LDB2: variants seen among roughly 807,000 people sequenced by gnomAD.
LDB2 encodes the protein LIM domain binding 2.
Under a neutral mutation model 44.3 loss-of-function variants are expected in LDB2, and 12 were observed. The ratio of observed to expected loss-of-function variants is 0.27; its 90% confidence interval spans 0.17 to 0.44. The LOEUF is 0.44. Among genes scored for constraint, LDB2 ranks in the 20% least tolerant of loss-of-function variants. LDB2 has a pLI of 1.00. For synonymous variants in LDB2, 164 were observed against 174.8 expected (o/e 0.94, Z 0.49); for missense variants, 344 against 473.5 (o/e 0.73, Z 2.54).
At chr4:16,711,588 TGC>T (rs917475001) in intron 2 of LDB2, among the ~76,000 whole-genome samples, 3 of 152,190 alleles carry the variant, frequency 2.0e-5, no homozygotes, top group Non-Finnish European at 4.4e-5. Context: ...CTGGATGCTG[TGC>T]ATAGAATGAA....
At chr4:16,890,736 C>T (rs188572558) in intron 1 of LDB2, among the ~76,000 whole-genome samples, 171 of 152,270 alleles carry the variant, frequency 1.1e-3, no homozygotes, top group African/African-American at 3.8e-3. Context: ...AACCAGAATG[C>T]GTGCATCTCA....
intron 1 of LDB2, among the ~76,000 whole-genome samples, chr4:16,800,723 G>A (rs1777638764): frequency 6.6e-6 from 1 of 152,218 alleles, no homozygotes; most frequent in Non-Finnish European, 1.5e-5. Context: ...CGCCCAGGCT[G>A]GAGTGCAGTG....
chr4:16,560,138 A>G (rs1404367115), intron 5 of LDB2, among the ~76,000 whole-genome samples: 1 of 152,216 alleles, frequency 6.6e-6, no homozygotes, highest in African/African-American at 2.4e-5. Flanking sequence ...TTGACACCCT[A>G]AAGTCACAAT....
At chr4:16,782,929 G>GA (rs956664390) in intron 1 of LDB2, among the ~76,000 whole-genome samples, 3 of 151,426 alleles carry the variant, frequency 2.0e-5, no homozygotes, top group African/African-American at 4.9e-5. Context: ...AGAAGTACTT[G>GA]AAAAAAAATA....
intron 1 of LDB2, among the ~76,000 whole-genome samples, chr4:16,865,025 C>T (rs1235649969): frequency 6.6e-6 from 1 of 152,082 alleles, no homozygotes; most frequent in Non-Finnish European, 1.5e-5. Context: ...GTGGGCAGAT[C>T]ACTTGAGGTC....
chr4:16,687,773 G>T (rs1749623700), intron 2 of LDB2, among the ~76,000 whole-genome samples: 1 of 152,152 alleles, frequency 6.6e-6, no homozygotes, highest in South Asian at 2.1e-4. Flanking sequence ...CAGGAAAAAG[G>T]CTAACATGTA....
intron 2 of LDB2, among the ~76,000 whole-genome samples, chr4:16,699,281 G>A (rs1283758742): frequency 7.9e-5 from 12 of 152,164 alleles, no homozygotes; most frequent in Admixed American, 7.9e-4. Context: ...AAAAGATTCT[G>A]CCATTCCTTT....
At chr4:16,706,693 G>A (rs1301699880) in intron 2 of LDB2, among the ~76,000 whole-genome samples, 1 of 152,204 alleles carries the variant, frequency 6.6e-6, no homozygotes, top group Non-Finnish European at 1.5e-5. Context: ...GGACATAAGA[G>A]AAGGAGTATT....
intron 2 of LDB2, among the ~76,000 whole-genome samples, chr4:16,754,371 C>T (rs1766077788): frequency 6.6e-6 from 1 of 152,176 alleles, no homozygotes; most frequent in Admixed American, 6.5e-5. Context: ...ATAAGTCCTG[C>T]CCAGTGGGAA....
intron 5 of LDB2, among the ~76,000 whole-genome samples, chr4:16,556,357 A>G (rs1316850728): frequency 1.1e-4 from 17 of 152,174 alleles, no homozygotes; most frequent in Admixed American, 9.8e-4. Flanking sequence ...TAAGTACTCA[A>G]TTATTTCAGT....
At chr4:16,713,711 A>T (rs967129406) in intron 2 of LDB2, among the ~76,000 whole-genome samples, 2 of 152,242 alleles carry the variant, frequency 1.3e-5, no homozygotes, top group Non-Finnish European at 2.9e-5. Context: ...AGCCATTTCT[A>T]GAGCTAGTGG....
intron 5 of LDB2, among the ~76,000 whole-genome samples, chr4:16,523,644 T>C (rs1422314951): frequency 2.6e-5 from 4 of 151,952 alleles, no homozygotes; most frequent in Non-Finnish European, 5.9e-5. Context: ...AATGGGTGGA[T>C]AGTGTAGATA....
At chr4:16,804,594 T>G in intron 1 of LDB2, among the ~76,000 whole-genome samples, 1 of 152,186 alleles carries the variant, frequency 6.6e-6, no homozygotes. Flanking sequence ...ACTATACTTG[T>G]CTTTCAGGCA....
intron 1 of LDB2, among the ~76,000 whole-genome samples, chr4:16,881,502 G>C (rs1014908916): frequency 1.3e-5 from 2 of 151,674 alleles, no homozygotes; most frequent in Non-Finnish European, 2.9e-5. Flanking sequence ...CCAGGCTCCT[G>C]CCTTCATCTT....
intron 3 of LDB2, among the ~76,000 whole-genome samples, chr4:16,594,113 A>G (rs1720057235): frequency 6.6e-6 from 1 of 151,892 alleles, no homozygotes. Flanking sequence ...CTTACAGCAT[A>G]AGGAGTTGGT....
chr4:16,503,341 C>T lies in LDB2; in HGVS notation c.892-468G>A, dbSNP rs73115973. The stretch of plus-strand genomic sequence containing the variant: ...ACGTAAGGTGCAATTCTGCAATATT[C>T]ACACAACTCATTCCAAACGGTATTT... On this transcript the variant is annotated intron_variant, in intron 7 of 7. Coordinates refer to ENST00000304523, the MANE Select transcript of LDB2 (RefSeq NM_001290.5). 5.3e-3 allele frequency among the ~76,000 whole-genome samples: 814 copies of T among 152,230 alleles called. 6 individuals are homozygous for T. Among genetic ancestry groups the T allele is most frequent in the African/African-American group, 0.019 (775 of 41,534 alleles).
chr4:16,717,820 ATCT>A (rs1227165923), intron 2 of LDB2, among the ~76,000 whole-genome samples: 2 of 152,124 alleles, frequency 1.3e-5, no homozygotes, highest in African/African-American at 2.4e-5. Flanking sequence ...CCAGGCTCAA[ATCT>A]TCTTAAACAC....
At chr4:16,651,215 C>T (rs574252652) in intron 2 of LDB2, 1 of 152,232 alleles carries the variant, frequency 6.6e-6, no homozygotes, top group African/African-American at 2.4e-5. Flanking sequence ...TCCAAGATAC[C>T]TGTCTTTCAG....
intron 1 of LDB2, among the ~76,000 whole-genome samples, chr4:16,762,073 G>A (rs1256465662): frequency 6.6e-6 from 1 of 152,176 alleles, no homozygotes; most frequent in Non-Finnish European, 1.5e-5. Context: ...GTGGGCACAT[G>A]TAATCCCAGT....
Sources: gnomAD v4.1 joint callset for allele counts (sites outside exome capture counted in the v4.1 genomes callset) on GRCh38, gnomAD v4.1.1 for gene constraint, MANE v1.5 for transcripts, NCBI Gene and HGNC (gene_info 2026-07-23, HGNC 2026-07-21) for gene names.